TG: variants seen among roughly 807,000 people sequenced by gnomAD.
The protein encoded by TG is thyroglobulin, also known as thyroid hormones.
Under a neutral mutation model 324.7 loss-of-function variants are expected in TG, and 270 were observed. That is an observed-to-expected ratio of 0.83 (90% CI 0.75 to 0.92). The LOEUF is 0.92. Among genes scored for constraint, TG ranks in the 40% least tolerant of loss-of-function variants. The pLI is 0.00. For synonymous variants in TG, 1,401 were observed against 1,327.0 expected, an observed-to-expected ratio of 1.06 and a Z score of -1.21; for missense variants, 3,591 against 3,456.4, an observed-to-expected ratio of 1.04 and a Z score of -0.98.
intron 45 of TG, among the ~76,000 whole-genome samples, chr8:133,128,710 C>T (rs1218274012): frequency 6.6e-6 from 1 of 152,122 alleles, no homozygotes; most frequent in Admixed American, 6.5e-5. Flanking sequence ...CAGATCTGGC[C>T]CTGGGCGTAG....
At chr8:133,045,644 C>T (rs1310201336) in intron 41 of TG, among the ~76,000 whole-genome samples, 1 of 152,146 alleles carries the variant, frequency 6.6e-6, no homozygotes, top group Non-Finnish European at 1.5e-5. Context: ...ATCCGCCCAC[C>T]TCGGCCTCCC....
intron 31 of TG, among the ~76,000 whole-genome samples, 183 bp from the exon 32 acceptor site, chr8:132,969,274 AT>A (rs1273920819): frequency 6.6e-6 from 1 of 152,088 alleles, no homozygotes; most frequent in African/African-American, 2.4e-5. Context: ...TTTAAAAAAA[AT>A]CTTTGTCCCT....
chr8:133,076,408 C>T (rs1157353726), intron 41 of TG, among the ~76,000 whole-genome samples: 1 of 152,226 alleles, frequency 6.6e-6, no homozygotes, highest in Non-Finnish European at 1.5e-5. Flanking sequence ...AGCAGGCAGG[C>T]ACTCTGCACT....
intron 29 of TG, 64 bp from the exon 30 acceptor site, chr8:132,966,496 T>C (rs1828586776): frequency 1.3e-6 from 2 of 1,579,232 alleles, no homozygotes; most frequent in Non-Finnish European, 1.7e-6. Context: ...GTTTCTTTCT[T>C]GTGTTTTTCT....
intron 46 of TG, among the ~76,000 whole-genome samples, chr8:133,132,786 G>A (rs1005264421): frequency 1.3e-5 from 2 of 152,210 alleles, no homozygotes; most frequent in Non-Finnish European, 2.9e-5. Flanking sequence ...CTTGTAATTA[G>A]GGTTTTAGAA....
At chr8:132,885,197 C>T (rs1184148939) in intron 8 of TG, among the ~76,000 whole-genome samples, 1 of 151,700 alleles carries the variant, frequency 6.6e-6, no homozygotes, top group African/African-American at 2.4e-5. Context: ...GCTTACTTTA[C>T]ATCCACCTAT....
intron 35 of TG, among the ~76,000 whole-genome samples, chr8:133,006,166 A>T (rs557566266): frequency 2.6e-5 from 4 of 152,344 alleles, no homozygotes; most frequent in African/African-American, 9.6e-5. Flanking sequence ...TAGTTAAGGG[A>T]CTTGCCTGAG....
chr8:132,922,870 G>C (rs541904636), intron 21 of TG, among the ~76,000 whole-genome samples: 1 of 152,248 alleles, frequency 6.6e-6, no homozygotes, highest in South Asian at 2.1e-4. Flanking sequence ...TGCTAATACC[G>C]TCACACTGGG....
intron 34 of TG, among the ~76,000 whole-genome samples, chr8:132,974,464 G>A (rs1459785981): frequency 6.6e-6 from 1 of 152,186 alleles, no homozygotes; most frequent in Non-Finnish European, 1.5e-5. Flanking sequence ...ATTTTAAGGT[G>A]AGAAGACTGC....
At chr8:132,922,344 C>A (rs972906216) in intron 21 of TG, among the ~76,000 whole-genome samples, 7 of 152,150 alleles carry the variant, frequency 4.6e-5, no homozygotes, top group African/African-American at 1.4e-4. Flanking sequence ...TGATTTTGGA[C>A]AGAAGCTTGT....
In TG at chr8:132,897,744, G is replaced by A. The variant is rs1415450065; in HGVS notation, c.3097G>A (p.Ala1033Thr). The A allele has an allele frequency of 6.2e-7, 1 of 1,614,100 alleles. No homozygotes were observed. The highest frequency in any genetic ancestry group is 8.5e-7 in the Non-Finnish European group (1 of 1,180,044). The change falls in exon 12 of 48, where the codon GCG becomes ACG. Residue 1033 changes from alanine to threonine, a missense_variant. Coordinates refer to ENST00000220616, the MANE Select transcript of TG (RefSeq NM_003235.5). ...GGGCCCCTACATGCCACAGTGTGAT[G>A]CGTTTGGAAGTTGGGAGCCTGTGCA... ...RSGPYMPQCD[A>T]FGSWEPVQCH...
chr8:132,893,538 T>G, intron 10 of TG, 152 bp from the exon 11 acceptor site: 1 of 881,892 alleles, frequency 1.1e-6, no homozygotes, highest in Non-Finnish European at 1.7e-6. Context: ...TGTATGTGTG[T>G]GGTGTAGGGG....
chr8:132,868,336 C>A, intron 2 of TG, 113 bp downstream of exon 2: 1 of 987,158 alleles, frequency 1.0e-6, no homozygotes, highest in Non-Finnish European at 1.6e-6. Context: ...GCATGTGAGG[C>A]TTGGCCACTG....
chr8:132,946,868 G>A (rs1446189490), intron 26 of TG, among the ~76,000 whole-genome samples: 1 of 152,170 alleles, frequency 6.6e-6, no homozygotes, highest in East Asian at 1.9e-4. Flanking sequence ...CCTTCTCAGG[G>A]ACATTTGGCA....
At chr8:133,048,200 A>G (rs189480364) in intron 41 of TG, among the ~76,000 whole-genome samples, 18 of 152,114 alleles carry the variant, frequency 1.2e-4, no homozygotes, top group Non-Finnish European at 2.9e-5. Context: ...ACCTCACTTC[A>G]CTGCTGCTCT....
In TG at chr8:132,909,463, G is replaced by A. The variant is rs184391732; in HGVS notation, c.4002+1123G>A. On this transcript the variant is annotated intron_variant, in intron 18 of 47. Transcript: ENST00000220616. Reference sequence around the variant, plus strand: ...AGGGGACTAGAGAGCTGAGGACCATGCTGAAGACAGAGATAGGGTCAGGAG... The same window carrying A: ...AGGGGACTAGAGAGCTGAGGACCATACTGAAGACAGAGATAGGGTCAGGAG... Among the ~76,000 whole-genome samples, 12 of 152,318 alleles carry A rather than the reference G, an allele frequency of 7.9e-5. No homozygotes were observed. The East Asian group carries it at 2.1e-3, about 27-fold the overall frequency.
At chr8:132,907,496 C>T (rs541028358) in intron 17 of TG, among the ~76,000 whole-genome samples, 2 of 152,212 alleles carry the variant, frequency 1.3e-5, no homozygotes, top group South Asian at 2.1e-4. Context: ...GGCACTTGGT[C>T]CACCCGGTGC....
chr8:133,001,754 T>C (rs1833527539), intron 35 of TG: 1 of 985,478 alleles, frequency 1.0e-6, no homozygotes, highest in Non-Finnish European at 1.2e-6. Flanking sequence ...TCCAGTCACT[T>C]CTATTCTGCT....
chr8:133,074,646 T>C (rs184936460), intron 41 of TG, among the ~76,000 whole-genome samples: 1 of 152,282 alleles, frequency 6.6e-6, no homozygotes, highest in Admixed American at 6.5e-5. Context: ...CCAGCCCTTC[T>C]CTCCACAGAA....
Sources: allele counts gnomAD v4.1 joint callset (sites outside exome capture counted in the v4.1 genomes callset), GRCh38; gene constraint gnomAD v4.1.1; transcripts MANE v1.5; gene names NCBI Gene and HGNC (gene_info 2026-07-23, HGNC 2026-07-21).